Variants in EPHB2 observed in about 807,000 individuals in gnomAD.
EPHB2 encodes the protein ephrin type-B receptor 2.
A neutral mutation model predicts 96.4 loss-of-function variants in EPHB2; 18 were observed. The observed-to-expected ratio is 0.19, with a 90% confidence interval of 0.13 to 0.28. The LOEUF is 0.28. EPHB2 is among the 10% of genes least tolerant of loss of function. The pLI is 1.00. For synonymous variants in EPHB2, 506 were observed against 534.1 expected (o/e 0.95, Z 0.72); for missense variants, 989 against 1,355.4 (o/e 0.73, Z 4.25).
At chr1:22,853,270 G>A (rs1028893991) in intron 3 of EPHB2, among the ~76,000 whole-genome samples, 1 of 152,216 alleles carries the variant, frequency 6.6e-6, no homozygotes, top group East Asian at 1.9e-4. Flanking sequence ...GGAGAATGGC[G>A]TGAACTTGGG....
chr1:22,727,312 G>A (rs959962132), intron 1 of EPHB2, among the ~76,000 whole-genome samples: 2 of 152,252 alleles, frequency 1.3e-5, no homozygotes, highest in Non-Finnish European at 2.9e-5. Flanking sequence ...ATCCTTGGTG[G>A]ATGGGCCACA....
chr1:22,849,685 C>G (rs1271696046), intron 3 of EPHB2, among the ~76,000 whole-genome samples: 1 of 152,230 alleles, frequency 6.6e-6, no homozygotes, highest in Non-Finnish European at 1.5e-5. Context: ...TCTCTAAAGT[C>G]CTTCGAGCCC....
At chr1:22,865,843 G>C (rs1570409188) in intron 5 of EPHB2, among the ~76,000 whole-genome samples, 2 of 152,204 alleles carry the variant, frequency 1.3e-5, no homozygotes, top group Admixed American at 6.5e-5. Context: ...GTGAAGTTCA[G>C]CCCACTCCAG....
intron 3 of EPHB2, among the ~76,000 whole-genome samples, chr1:22,839,570 A>G (rs1388864572): frequency 2.6e-5 from 4 of 152,218 alleles, no homozygotes; most frequent in African/African-American, 4.8e-5. Flanking sequence ...CTGGCTATTC[A>G]AGGACAGGGT....
intron 1 of EPHB2, among the ~76,000 whole-genome samples, chr1:22,718,099 G>T (rs140441293): frequency 2.7e-4 from 41 of 152,240 alleles, no homozygotes; most frequent in African/African-American, 9.4e-4. Context: ...GGAACAGGGG[G>T]CCAGTGTACC....
intron 9 of EPHB2, among the ~76,000 whole-genome samples, chr1:22,897,925 C>T (rs1439408121): frequency 1.3e-5 from 2 of 151,932 alleles, no homozygotes; most frequent in African/African-American, 4.8e-5. Flanking sequence ...CATGATGAAA[C>T]CCTGTCTCTA....
At chr1:22,794,743 G>A in intron 3 of EPHB2, among the ~76,000 whole-genome samples, 1 of 152,302 alleles carries the variant, frequency 6.6e-6, no homozygotes, top group East Asian at 1.9e-4. Flanking sequence ...CAGGGCATCT[G>A]ACCCTGGAGC....
chr1:22,837,042 G>C (rs191015147), intron 3 of EPHB2, among the ~76,000 whole-genome samples: 1 of 152,218 alleles, frequency 6.6e-6, no homozygotes, highest in Non-Finnish European at 1.5e-5. Flanking sequence ...GGCCCTACAC[G>C]GCGGGGGAGG....
Position 22,781,420 on chromosome 1 carries a change from G to T in EPHB2, c.62-1G>T. ...GTGGTGACTCTTTGCTCTCCCCACA[G>T]AAACGCTAATGGACTCCACTACAGC... On this transcript the variant is annotated splice_acceptor_variant, in intron 1 of 15. Transcript: ENST00000374630. LOFTEE classifies it high-confidence loss of function. 1.2e-6 allele frequency: 2 copies of T among 1,613,868 alleles called. No homozygotes were observed. The highest frequency in any genetic ancestry group is 1.7e-6 in the Non-Finnish European group (2 of 1,179,924).
intron 3 of EPHB2, among the ~76,000 whole-genome samples, chr1:22,806,365 G>C (rs1236684096): frequency 7.2e-5 from 11 of 152,170 alleles, no homozygotes; most frequent in Non-Finnish European, 1.5e-4. Flanking sequence ...AGAATACCAA[G>C]TCCTTGAACC....
chr1:22,776,137 A>T (rs1042827911), intron 1 of EPHB2, among the ~76,000 whole-genome samples: 5 of 151,946 alleles, frequency 3.3e-5, no homozygotes, highest in African/African-American at 1.2e-4. Flanking sequence ...CTCAGCTCTT[A>T]GCTCCCACCA....
intron 3 of EPHB2, among the ~76,000 whole-genome samples, chr1:22,852,087 C>G (rs2148510217): frequency 6.6e-6 from 1 of 152,358 alleles, no homozygotes; most frequent in African/African-American, 2.4e-5. Flanking sequence ...CAGAGATCAT[C>G]ATATTCTTCC....
intron 3 of EPHB2, among the ~76,000 whole-genome samples, chr1:22,838,805 C>T (rs371013345): frequency 5.3e-5 from 8 of 152,054 alleles, no homozygotes; most frequent in African/African-American, 1.4e-4. Flanking sequence ...GTGGCAGGTG[C>T]CTGTAGTCCC....
intron 1 of EPHB2, among the ~76,000 whole-genome samples, chr1:22,751,732 C>T (rs1644066032): frequency 6.6e-6 from 1 of 152,184 alleles, no homozygotes; most frequent in Admixed American, 6.5e-5. Flanking sequence ...TGTACAAGAT[C>T]AAAGACAGTG....
chr1:22,720,844 T>C (rs1469286220), intron 1 of EPHB2, among the ~76,000 whole-genome samples: 1 of 152,136 alleles, frequency 6.6e-6, no homozygotes, highest in Non-Finnish European at 1.5e-5. Flanking sequence ...CCTGGAGTTG[T>C]AGATATTCAA....
intron 3 of EPHB2, among the ~76,000 whole-genome samples, chr1:22,834,947 T>A (rs1645358313): frequency 6.6e-6 from 1 of 151,088 alleles, no homozygotes; most frequent in Non-Finnish European, 1.5e-5. Flanking sequence ...AAATAAAAAA[T>A]AAAAAAAAGG....
intron 3 of EPHB2, among the ~76,000 whole-genome samples, chr1:22,819,295 G>T (rs947981835): frequency 7.1e-6 from 1 of 140,690 alleles, no homozygotes. Context: ...CTCCATCTCC[G>T]GCCACCGCCT....
intron 3 of EPHB2, among the ~76,000 whole-genome samples, chr1:22,824,644 GA>G (rs1645198020): frequency 6.6e-6 from 1 of 152,254 alleles, no homozygotes; most frequent in African/African-American, 2.4e-5. Context: ...AAGCCCCGGA[GA>G]AGGGCTGTTC....
intron 3 of EPHB2, among the ~76,000 whole-genome samples, chr1:22,825,930 T>C (rs1330793793): frequency 6.6e-6 from 1 of 152,192 alleles, no homozygotes; most frequent in Non-Finnish European, 1.5e-5. Context: ...GTCCAGGATC[T>C]GAGTCAGATC....
Sources: gnomAD v4.1 joint callset for allele counts (sites outside exome capture counted in the v4.1 genomes callset) on GRCh38, gnomAD v4.1.1 for gene constraint, MANE v1.5 for transcripts, NCBI Gene and HGNC (gene_info 2026-07-23, HGNC 2026-07-21) for gene names.